KCNN2: variants seen among roughly 807,000 people sequenced by gnomAD.
KCNN2 encodes small conductance calcium-activated potassium channel protein 2.
In KCNN2, 24 loss-of-function variants were observed where a neutral mutation model predicts 55.5. The ratio of observed to expected loss-of-function variants is 0.43; its 90% CI spans 0.31 to 0.61. The LOEUF is 0.61. KCNN2 is among the 20% of genes least tolerant of loss of function. The pLI is 0.08. For missense variants in KCNN2, 754 were observed against 853.6 expected, an observed-to-expected ratio of 0.88 and a Z score of 1.45; for synonymous variants, 431 against 336.1, an observed-to-expected ratio of 1.28 and a Z score of -3.09.
At chr5:114,198,499 A>G (rs1446596776) in intron 1 of KCNN2, among the ~76,000 whole-genome samples, 3 of 148,696 alleles carry the variant, frequency 2.0e-5, no homozygotes, top group African/African-American at 7.4e-5. Context: ...TTCTTTATTC[A>G]GTCCTCCTTT....
rs1561415454 is a variant in KCNN2 at position 114,487,029 on chromosome 5, CTTTG to C, written c.1891-14_1891-11del. 3 of 1,612,022 alleles carry C rather than the reference CTTTG, an allele frequency of 1.9e-6. No individual in the cohort carries two copies. Among genetic ancestry groups the C allele is most frequent in the African/African-American group, 1.3e-5 (1 of 74,912 alleles). On this transcript the variant is annotated splice_polypyrimidine_tract_variant and intron_variant, in intron 5 of 7. Coordinates refer to ENST00000673685, the MANE Select transcript of KCNN2 (RefSeq NM_021614.4). Reference sequence around the variant, plus strand: ...ATTCTGCTCTGGAATTTATCAACTGCTTTGTTTGTTCTCTTAACAGGTAAAAAAT... The same window carrying C: ...ATTCTGCTCTGGAATTTATCAACTGCTTTGTTCTCTTAACAGGTAAAAAAT...
chr5:114,466,813 A>C (rs1387069189), intron 4 of KCNN2, among the ~76,000 whole-genome samples: 2 of 152,196 alleles, frequency 1.3e-5, no homozygotes, highest in African/African-American at 4.8e-5. Context: ...CTTTGACAAC[A>C]TCTAGCATGA....
intron 1 of KCNN2, among the ~76,000 whole-genome samples, chr5:114,198,245 T>C (rs941772232): frequency 6.6e-6 from 1 of 151,278 alleles, no homozygotes; most frequent in African/African-American, 2.4e-5. Context: ...ATATAATATT[T>C]ATGGCTGAGT....
At chr5:114,267,525 A>AGAAT (rs1561546901) in intron 2 of KCNN2, among the ~76,000 whole-genome samples, 1 of 152,182 alleles carries the variant, frequency 6.6e-6, no homozygotes, top group African/African-American at 2.4e-5. Flanking sequence ...CCAGAGCCAG[A>AGAAT]GAACAGTAGT....
intron 3 of KCNN2, among the ~76,000 whole-genome samples, chr5:114,432,338 A>G (rs566653695): frequency 1.3e-5 from 2 of 152,196 alleles, no homozygotes; most frequent in Non-Finnish European, 2.9e-5. Flanking sequence ...CTTTATCTCT[A>G]ATCGGCTCTT....
intron 6 of KCNN2, among the ~76,000 whole-genome samples, chr5:114,491,525 TA>T (rs1319058840): frequency 1.8e-3 from 100 of 54,340 alleles, no homozygotes; most frequent in South Asian, 4.6e-3. Context: ...TTTTTTTTTT[TA>T]AAAAAAGAAA....
intron 2 of KCNN2, among the ~76,000 whole-genome samples, chr5:114,295,406 G>A (rs1423759367): frequency 6.6e-6 from 1 of 152,196 alleles, no homozygotes; most frequent in Non-Finnish European, 1.5e-5. Context: ...GGCAATGGCA[G>A]GCACCCCTCC....
At chr5:114,166,440 T>A (rs1484330581) in intron 1 of KCNN2, among the ~76,000 whole-genome samples, 1 of 152,186 alleles carries the variant, frequency 6.6e-6, no homozygotes, top group East Asian at 1.9e-4. Flanking sequence ...AGAGTGGCCT[T>A]TGCAAACTCT....
At chr5:114,270,859 G>C (rs1755315355) in intron 2 of KCNN2, among the ~76,000 whole-genome samples, 1 of 152,186 alleles carries the variant, frequency 6.6e-6, no homozygotes, top group Non-Finnish European at 1.5e-5. Flanking sequence ...CAGATGTTCA[G>C]ATGTGTCCAC....
intron 1 of KCNN2, among the ~76,000 whole-genome samples, chr5:114,120,441 G>C (rs920005760): frequency 1.3e-5 from 2 of 152,194 alleles, no homozygotes; most frequent in Admixed American, 1.3e-4. Flanking sequence ...TGTTTGTAAT[G>C]TAATAAACTT....
chr5:114,444,766 A>G (rs943845232), intron 3 of KCNN2, among the ~76,000 whole-genome samples: 6 of 152,144 alleles, frequency 3.9e-5, no homozygotes, highest in Admixed American at 1.3e-4. Flanking sequence ...GTGTCTGGGT[A>G]CTATGCTGAC....
At chr5:114,068,106 A>C (rs1272657314) in intron 1 of KCNN2, among the ~76,000 whole-genome samples, 1 of 152,244 alleles carries the variant, frequency 6.6e-6, no homozygotes, top group Non-Finnish European at 1.5e-5. Context: ...AAGACTGGTA[A>C]GTGCATTTAA....
intron 3 of KCNN2, among the ~76,000 whole-genome samples, chr5:114,413,348 AAT>A (rs60762349): frequency 0.022 from 3,336 of 152,130 alleles, 96 homozygotes; most frequent in African/African-American, 0.072. Context: ...GCAGTGGCAC[AAT>A]CTTGGCTCAC....
At chr5:114,490,302 CA>C (rs973057116) in intron 6 of KCNN2, among the ~76,000 whole-genome samples, 5 of 152,038 alleles carry the variant, frequency 3.3e-5, no homozygotes, top group Admixed American at 6.6e-5. Context: ...TGTACCCCCC[CA>C]AAAAAATTAC....
intron 1 of KCNN2, among the ~76,000 whole-genome samples, chr5:114,144,410 G>T (rs1214800115): frequency 1.3e-5 from 2 of 152,036 alleles, no homozygotes; most frequent in Non-Finnish European, 2.9e-5. Context: ...TTGATGTAAT[G>T]GAACTCCAGC....
chr5:114,359,794 G>A (rs1234204574), upstream of KCNN2, among the ~76,000 whole-genome samples: 10 of 152,196 alleles, frequency 6.6e-5, no homozygotes, highest in African/African-American at 2.2e-4. Context: ...ATAATTTGTT[G>A]AAAAGCGTCC....
At chr5:114,145,529 C>A (rs1257301023) in intron 1 of KCNN2, among the ~76,000 whole-genome samples, 1 of 152,062 alleles carries the variant, frequency 6.6e-6, no homozygotes, top group African/African-American at 2.4e-5. Context: ...AGTGTGACTG[C>A]CCAAGTTTGA....
intron 3 of KCNN2, among the ~76,000 whole-genome samples, chr5:114,407,487 T>C (rs369594517): frequency 8.4e-4 from 128 of 152,286 alleles, no homozygotes; most frequent in African/African-American, 2.9e-3. Context: ...ATGTTAATTA[T>C]GGCTTTTTGA....
intron 1 of KCNN2, among the ~76,000 whole-genome samples, chr5:114,196,039 T>C (rs904963168): frequency 1.3e-5 from 2 of 152,064 alleles, no homozygotes; most frequent in Non-Finnish European, 2.9e-5. Context: ...TACCATTTGT[T>C]GAAAAGACTA....
Sources: allele counts gnomAD v4.1 joint callset (sites outside exome capture counted in the v4.1 genomes callset), GRCh38; gene constraint gnomAD v4.1.1; transcripts MANE v1.5; gene names NCBI Gene and HGNC (gene_info 2026-07-23, HGNC 2026-07-21).